Variants in LRRC4C observed in about 807,000 individuals in gnomAD.
The protein encoded by LRRC4C is leucine rich repeat containing 4C, also known as leucine-rich repeat-containing protein 4C.
Under a neutral mutation model 33.6 loss-of-function variants are expected in LRRC4C, and 5 were observed. That is an observed-to-expected ratio of 0.15 (90% CI 0.08 to 0.31). The LOEUF (loss-of-function observed/expected upper bound fraction) is 0.31. Ranked by LOEUF, LRRC4C falls within the 10% of genes least tolerant of loss-of-function variation. The probability of loss-of-function intolerance (pLI) is 1.00; values close to 1 mark genes in which losing one functional copy is unlikely to be tolerated. For missense variants in LRRC4C, 560 were observed against 796.7 expected (o/e 0.70, Z 3.58); for synonymous variants, 329 against 302.0 (o/e 1.09, Z -0.93).
intron 1 of LRRC4C, among the ~76,000 whole-genome samples, chr11:41,393,807 T>C (rs900036624): frequency 2.0e-5 from 3 of 151,972 alleles, no homozygotes; most frequent in African/African-American, 7.2e-5. Flanking sequence ...CACATATTTG[T>C]AACAGCAACA....
chr11:41,429,228 T>TG (rs1450411267), intron 1 of LRRC4C, among the ~76,000 whole-genome samples: 1 of 152,162 alleles, frequency 6.6e-6, no homozygotes, highest in African/African-American at 2.4e-5. Context: ...TTGTTTCCCC[T>TG]TCCACCATGA....
chr11:40,139,335 C>T (rs1046600513), intron 6 of LRRC4C, among the ~76,000 whole-genome samples: 1 of 152,142 alleles, frequency 6.6e-6, no homozygotes, highest in Non-Finnish European at 1.5e-5. Context: ...CTGCAATTCA[C>T]AAGCTGTTTA....
At chr11:41,133,859 G>T (rs369455496) in intron 1 of LRRC4C, among the ~76,000 whole-genome samples, 31 of 152,156 alleles carry the variant, frequency 2.0e-4, no homozygotes, top group South Asian at 1.2e-3. Context: ...GCAAATAAAA[G>T]AATCTATGAA....
chr11:41,218,647 T>C (rs893992325), intron 1 of LRRC4C, among the ~76,000 whole-genome samples: 1 of 152,172 alleles, frequency 6.6e-6, no homozygotes, highest in Admixed American at 6.5e-5. Flanking sequence ...TTTAGCTATA[T>C]GCTCAGAAAG....
At chr11:40,537,339 T>C (rs1956516969) in intron 3 of LRRC4C, among the ~76,000 whole-genome samples, 1 of 152,080 alleles carries the variant, frequency 6.6e-6, no homozygotes, top group African/African-American at 2.4e-5. Flanking sequence ...AGTATTTTTA[T>C]CCCCACCGTA....
At chr11:41,147,203 T>C (rs1010717150) in intron 1 of LRRC4C, among the ~76,000 whole-genome samples, 1 of 152,226 alleles carries the variant, frequency 6.6e-6, no homozygotes, top group Non-Finnish European at 1.5e-5. Context: ...GTGTTAACTA[T>C]GACTTCCAGA....
rs1055864864 is a variant in LRRC4C, at chr11:40,282,377, C to G, written c.-176+37251G>C. On this transcript the variant is annotated intron_variant, in intron 4 of 6. Transcript: ENST00000528697. ...AAACAAAACAAAACAACAAAAAAAC[C>G]CCAAAAACTTCCCTGGCATACCTTC... Among the ~76,000 whole-genome samples the G allele has an allele frequency of 5.3e-5, 8 of 151,674 alleles. 1 individual carries two copies. The highest frequency in any genetic ancestry group is 5.3e-4 in the Admixed American group (8 of 15,188).
intron 1 of LRRC4C, among the ~76,000 whole-genome samples, chr11:41,198,559 A>G (rs1946276154): frequency 1.3e-5 from 2 of 152,002 alleles, no homozygotes; most frequent in African/African-American, 4.8e-5. Context: ...CAAAAAGAGA[A>G]CATGCACCCA....
At chr11:40,910,742 G>A (rs148880682) in intron 2 of LRRC4C, among the ~76,000 whole-genome samples, 52 of 152,332 alleles carry the variant, frequency 3.4e-4, no homozygotes, top group African/African-American at 1.2e-3. Flanking sequence ...CCGGAGCAAG[G>A]CGAGGCATCA....
At chr11:40,821,980 C>T (rs865787264) in intron 2 of LRRC4C, among the ~76,000 whole-genome samples, 1 of 151,606 alleles carries the variant, frequency 6.6e-6, no homozygotes, top group Non-Finnish European at 1.5e-5. Context: ...GGATATCTAT[C>T]CCCTTAAACA....
chr11:40,361,451 C>G (rs528451459), intron 3 of LRRC4C, among the ~76,000 whole-genome samples: 1 of 152,292 alleles, frequency 6.6e-6, no homozygotes, highest in Admixed American at 6.5e-5. Context: ...CAAACAAACT[C>G]TCATTCACAA....
At chr11:40,433,004 G>A (rs1397541517) in intron 3 of LRRC4C, among the ~76,000 whole-genome samples, 3 of 152,032 alleles carry the variant, frequency 2.0e-5, no homozygotes, top group African/African-American at 4.8e-5. Flanking sequence ...GAAAATTAAG[G>A]AAAGCATAAT....
intron 2 of LRRC4C, among the ~76,000 whole-genome samples, chr11:40,794,238 G>A (rs1950736195): frequency 6.6e-6 from 1 of 152,010 alleles, no homozygotes; most frequent in South Asian, 2.1e-4. Context: ...AAAAGGACAA[G>A]CAATACATTC....
At chr11:40,167,149 C>T (rs1025551225) in intron 5 of LRRC4C, among the ~76,000 whole-genome samples, 7 of 152,152 alleles carry the variant, frequency 4.6e-5, no homozygotes, top group African/African-American at 9.7e-5. Context: ...TAGGACTTTC[C>T]ACACTGTGTA....
In LRRC4C at chr11:40,346,382, A is replaced by C. The variant is rs938064106; in HGVS notation, c.-269-26661T>G. 3.9e-5 allele frequency among the ~76,000 whole-genome samples: 6 copies of C among 152,358 alleles called. No individual in the cohort carries two copies. The South Asian group carries it at 1.2e-3, about 32-fold the overall frequency. Reference sequence around the variant, plus strand: ...TACTGTGCAGCCATAAAAATGAATGAGATCATGTCCTTTGCAGGGACATAG... The same window carrying C: ...TACTGTGCAGCCATAAAAATGAATGCGATCATGTCCTTTGCAGGGACATAG... On this transcript the variant is annotated intron_variant, in intron 3 of 6. Coordinates refer to ENST00000528697, the MANE Select transcript of LRRC4C (RefSeq NM_001258419.2).
intron 2 of LRRC4C, among the ~76,000 whole-genome samples, chr11:40,795,016 C>A (rs541569858): frequency 1.3e-5 from 2 of 152,328 alleles, no homozygotes; most frequent in African/African-American, 2.4e-5. Context: ...GAGAACTTCT[C>A]TAAGCCAAAT....
intron 2 of LRRC4C, among the ~76,000 whole-genome samples, chr11:40,744,262 A>T (rs1948306588): frequency 6.6e-6 from 1 of 152,154 alleles, no homozygotes; most frequent in Admixed American, 6.6e-5. Context: ...TGGATAAGAG[A>T]TGAGAGACAA....
chr11:41,401,787 C>T (rs1954035517), intron 1 of LRRC4C, among the ~76,000 whole-genome samples: 1 of 151,888 alleles, frequency 6.6e-6, no homozygotes, highest in African/African-American at 2.4e-5. Context: ...TCTTGAGTGT[C>T]TATCATGTGA....
intron 3 of LRRC4C, among the ~76,000 whole-genome samples, chr11:40,609,175 A>C (rs1392771843): frequency 6.6e-6 from 1 of 152,114 alleles, no homozygotes; most frequent in Non-Finnish European, 1.5e-5. Flanking sequence ...TAGCTCACAA[A>C]AAAGTCTTAA....
Sources: allele counts gnomAD v4.1 joint callset (sites outside exome capture counted in the v4.1 genomes callset), GRCh38; gene constraint gnomAD v4.1.1; transcripts MANE v1.5; gene names NCBI Gene and HGNC (gene_info 2026-07-23, HGNC 2026-07-21).